FHL5: variants seen among roughly 807,000 people sequenced by gnomAD.
The protein encoded by FHL5 is four and a half LIM domains protein 5.
In FHL5, 33 loss-of-function variants were observed where a neutral mutation model predicts 32.0. That is an observed-to-expected ratio of 1.03 (90% CI 0.78 to 1.38). The LOEUF is 1.38. Among genes scored for constraint, FHL5 ranks in the 40% most tolerant of loss-of-function variants. The pLI, the probability that FHL5 is intolerant of heterozygous loss-of-function variation, is 0.00. For synonymous variants in FHL5, 114 were observed against 113.6 expected (o/e 1.00, Z -0.02); for missense variants, 336 against 343.9 (o/e 0.98, Z 0.18).
rs750024963 is a variant in FHL5 at position 96,615,745 on chromosome 6, T to C, written c.828T>C (p.Cys276=). Residue 276 remains cysteine, a synonymous_variant, in exon 6 of 6, where the codon TGT becomes TGC. Transcript: ENST00000450218. ...TQNKEIFCQK[C]GSGMDTDI is the part of the protein sequence containing the mutation. Reference sequence around the variant, plus strand: ...ACAAGGAAATCTTCTGCCAAAAATGTGGCTCCGGAATGGACACTGACATCT... The same window carrying C: ...ACAAGGAAATCTTCTGCCAAAAATGCGGCTCCGGAATGGACACTGACATCT... 5 of 1,611,710 alleles carry C rather than the reference T, an allele frequency of 3.1e-6. No homozygotes were observed. In the East Asian group the frequency reaches 1.1e-4, roughly 36 times the overall value.
At chr6:96,607,057 A>G (rs1026844126) in intron 4 of FHL5, among the ~76,000 whole-genome samples, 2 of 152,194 alleles carry the variant, frequency 1.3e-5, no homozygotes, top group Non-Finnish European at 2.9e-5. Flanking sequence ...AAGAGAAAAA[A>G]AAAGTAATAT....
chr6:96,594,227 T>TTA (rs1178680000), intron 1 of FHL5, among the ~76,000 whole-genome samples: 1,959 of 66,012 alleles, frequency 0.03, 39 homozygotes, highest in African/African-American at 0.037. Context: ...ATATTAGAAT[T>TTA]TATATATATA....
intron 1 of FHL5, 76 bp from the exon 2 acceptor site, chr6:96,603,526 T>TTATA (rs1771199800): frequency 7.6e-6 from 8 of 1,057,704 alleles, no homozygotes; most frequent in Non-Finnish European, 1.1e-5. Context: ...TTCACTCACA[T>TTATA]TATATTAAGG....
At chr6:96,610,429 T>G (rs1771373739) in intron 4 of FHL5, 143 bp from the exon 5 acceptor site, 2 of 628,952 alleles carry the variant, frequency 3.2e-6, no homozygotes, top group South Asian at 4.8e-5. Flanking sequence ...GCACCAGTTG[T>G]GGCATAGAAG....
chr6:96,595,241 A>G (rs1000177859), intron 1 of FHL5, among the ~76,000 whole-genome samples: 7 of 151,752 alleles, frequency 4.6e-5, no homozygotes, highest in African/African-American at 1.7e-4. Context: ...AGCTTCACTG[A>G]GTATACAGGT....
intron 5 of FHL5, among the ~76,000 whole-genome samples, chr6:96,614,345 A>C (rs1771473091): frequency 6.6e-6 from 1 of 152,232 alleles, no homozygotes; most frequent in Admixed American, 6.5e-5. Context: ...AGTAGTACAT[A>C]ATTAATTTAC....
chr6:96,565,874 A>G (rs186015304), intron 1 of FHL5, among the ~76,000 whole-genome samples: 2 of 152,174 alleles, frequency 1.3e-5, no homozygotes, highest in Admixed American at 1.3e-4. Flanking sequence ...TTTTATTAGT[A>G]TTACTATAGA....
intron 5 of FHL5, among the ~76,000 whole-genome samples, chr6:96,614,342 C>T (rs527787680): frequency 6.6e-6 from 1 of 152,214 alleles, no homozygotes; most frequent in East Asian, 1.9e-4. Context: ...TTAAGTAGTA[C>T]ATAATTAATT....
chr6:96,566,820 CTTAT>C (rs1393513171), intron 1 of FHL5, among the ~76,000 whole-genome samples: 2 of 151,622 alleles, frequency 1.3e-5, no homozygotes, highest in Non-Finnish European at 3.0e-5. Context: ...GTCTATTCAG[CTTAT>C]TTGTCTGCTT....
At chr6:96,607,512 A>T (rs1771310337) in intron 4 of FHL5, among the ~76,000 whole-genome samples, 1 of 152,182 alleles carries the variant, frequency 6.6e-6, no homozygotes, top group South Asian at 2.1e-4. Context: ...TCATTATTAA[A>T]TTACACTATG....
intron 5 of FHL5, among the ~76,000 whole-genome samples, chr6:96,614,490 G>A (rs1323872169): frequency 1.3e-5 from 2 of 152,062 alleles, no homozygotes; most frequent in Non-Finnish European, 1.5e-5. Context: ...AAGTTTGTTA[G>A]GATGGAAACA....
rs201297556 is a variant in FHL5 at position 96,605,908 on chromosome 6, G to A, written c.341G>A (p.Arg114His). 1.7e-5 allele frequency: 27 copies of A among 1,613,514 alleles called. No homozygotes were observed. The highest frequency in any genetic ancestry group is 1.3e-4 in the African/African-American group (10 of 74,864). The change falls in exon 4 of 6, where the codon CGC (arginine) becomes CAC (histidine). Residue 114 changes from arginine to histidine, a missense_variant. Transcript: ENST00000450218. ...HCKRTIMPGS[R>H]KMEFKGNYWH... ...CCTTACTTTTGGAGTACAGGTTCCC[G>A]CAAAATGGAATTTAAGGGAAACTAC...
chr6:96,611,634 T>C (rs1391954711), intron 5 of FHL5, among the ~76,000 whole-genome samples: 3 of 152,226 alleles, frequency 2.0e-5, no homozygotes, highest in Non-Finnish European at 4.4e-5. Context: ...TTTTTAGTTG[T>C]TCATATACCA....
At chr6:96,615,302 C>T (rs1185113682) in intron 5 of FHL5, among the ~76,000 whole-genome samples, 1 of 152,198 alleles carries the variant, frequency 6.6e-6, no homozygotes, top group Non-Finnish European at 1.5e-5. Context: ...ACTGTATTGT[C>T]TTATCTGGCT....
At chr6:96,564,944 GC>G (rs1228861404) in intron 1 of FHL5, among the ~76,000 whole-genome samples, 3 of 151,998 alleles carry the variant, frequency 2.0e-5, no homozygotes, top group Non-Finnish European at 4.4e-5. Flanking sequence ...TGCCCAACAT[GC>G]CTCAAATCCC....
At chr6:96,567,108 T>TTCATAGA (rs1255680091) in intron 1 of FHL5, among the ~76,000 whole-genome samples, 2 of 152,056 alleles carry the variant, frequency 1.3e-5, no homozygotes, top group Non-Finnish European at 2.9e-5. Context: ...TTCTAGTTGC[T>TTCATAGA]TCATAGATTC....
chr6:96,575,052 G>T (rs1443920238), intron 1 of FHL5, among the ~76,000 whole-genome samples: 3 of 152,144 alleles, frequency 2.0e-5, no homozygotes, highest in Non-Finnish European at 2.9e-5. Context: ...TATTGCTTTT[G>T]ATTTTTTAGC....
At chr6:96,580,877 C>A (rs911104509) in intron 1 of FHL5, among the ~76,000 whole-genome samples, 1 of 152,078 alleles carries the variant, frequency 6.6e-6, no homozygotes, top group Non-Finnish European at 1.5e-5. Context: ...GAATATATAA[C>A]CACATCTATC....
intron 1 of FHL5, among the ~76,000 whole-genome samples, chr6:96,577,509 T>A (rs894416182): frequency 6.6e-6 from 1 of 152,166 alleles, no homozygotes; most frequent in Non-Finnish European, 1.5e-5. Context: ...TTTTATCAGA[T>A]GAGAATGCAG....
Sources: allele counts gnomAD v4.1 joint callset (sites outside exome capture counted in the v4.1 genomes callset), GRCh38; gene constraint gnomAD v4.1.1; transcripts MANE v1.5; gene names NCBI Gene and HGNC (gene_info 2026-07-23, HGNC 2026-07-21).